DYDC1: variants seen among roughly 807,000 people sequenced by gnomAD.
DYDC1 encodes DPY30 domain-containing protein 1.
Under a neutral mutation model 27.9 loss-of-function variants are expected in DYDC1, and 21 were observed. The observed-to-expected ratio is 0.75, with a 90% CI of 0.53 to 1.08. The LOEUF (loss-of-function observed/expected upper bound fraction) is 1.08. DYDC1 is among the 50% of genes least tolerant of loss of function. DYDC1 has a pLI of 0.00. For synonymous variants in DYDC1, 67 were observed against 65.8 expected, an observed-to-expected ratio of 1.02 and a Z score of -0.09; for missense variants, 202 against 205.9, an observed-to-expected ratio of 0.98 and a Z score of 0.12.
intron 3 of DYDC1, among the ~76,000 whole-genome samples, chr10:80,349,027 G>C (rs1349723631): frequency 6.6e-6 from 1 of 152,112 alleles, no homozygotes; most frequent in Non-Finnish European, 1.5e-5. Context: ...GAGTAGCTGG[G>C]ACTACAGGAG....
rs76324602 is a variant in DYDC1 at position 80,345,083 on chromosome 10, G to C, written c.250-2722C>G. ...AAAATAGTGTTTAAAGCCGGGAAGTGTTCATCATATTACTCAACAGCAGCT... is the reference window on the plus strand; with the variant it reads ...AAAATAGTGTTTAAAGCCGGGAAGTCTTCATCATATTACTCAACAGCAGCT... On this transcript the variant is annotated intron_variant, in intron 3 of 6. Transcript: ENST00000372202. Among the ~76,000 whole-genome samples the C allele has an allele frequency of 2.8e-3, 425 of 152,276 alleles. 9 individuals are homozygous for C. The highest frequency in any genetic ancestry group is 0.011 in the East Asian group (59 of 5,184).
At chr10:80,344,477 A>C (rs889432952) in intron 3 of DYDC1, among the ~76,000 whole-genome samples, 1 of 152,194 alleles carries the variant, frequency 6.6e-6, no homozygotes, top group Non-Finnish European at 1.5e-5. Context: ...GTTGTTGTTT[A>C]TGGAAAGGGT....
intron 1 of DYDC1, chr10:80,356,425 A>G: frequency 9.1e-6 from 9 of 985,242 alleles, no homozygotes; most frequent in Non-Finnish European, 1.1e-5. Context: ...TGCCAGATAC[A>G]GTATTGTATC....
chr10:80,353,842 T>A (rs1016133869), intron 1 of DYDC1, among the ~76,000 whole-genome samples: 1 of 152,108 alleles, frequency 6.6e-6, no homozygotes, highest in African/African-American at 2.4e-5. Context: ...AATGATAATA[T>A]CTCTTTTCTG....
At chr10:80,354,126 A>T (rs1843187967) in intron 1 of DYDC1, among the ~76,000 whole-genome samples, 1 of 147,134 alleles carries the variant, frequency 6.8e-6, no homozygotes, top group Non-Finnish European at 1.5e-5. Context: ...ATATATAAAA[A>T]AAAATATATA....
chr10:80,347,556 T>C (rs1156856989), intron 3 of DYDC1, among the ~76,000 whole-genome samples: 1 of 152,186 alleles, frequency 6.6e-6, no homozygotes, highest in African/African-American at 2.4e-5. Flanking sequence ...TTCTACATTA[T>C]GTTTTCTTCC....
chr10:80,343,195 A>G (rs1231866487), intron 3 of DYDC1, among the ~76,000 whole-genome samples: 2 of 152,224 alleles, frequency 1.3e-5, no homozygotes, highest in Non-Finnish European at 2.9e-5. Context: ...TTTAAAAGAA[A>G]TAATATTTCA....
intron 1 of DYDC1, among the ~76,000 whole-genome samples, chr10:80,355,391 G>A (rs1312062475): frequency 6.6e-6 from 1 of 151,980 alleles, no homozygotes; most frequent in African/African-American, 2.4e-5. Context: ...TGGTGGGAGG[G>A]CAAAATGGTA....
intron 6 of DYDC1, among the ~76,000 whole-genome samples, chr10:80,337,665 C>G (rs918030077): frequency 3.3e-5 from 5 of 152,206 alleles, no homozygotes; most frequent in African/African-American, 1.2e-4. Context: ...ACTCCCTCTA[C>G]ACGCTCTCCT....
chr10:80,336,213 C>T lies in DYDC1; in HGVS notation c.505-28G>A, dbSNP rs748051138. 8.3e-6 allele frequency: 13 copies of T among 1,560,796 alleles called. No individual in the cohort carries two copies. The East Asian group carries it at 1.4e-4, about 17-fold the overall frequency. ...AAAAGCAAAACAAAAAGTAAATATT[C>T]CTTAATACAATTAGAACTGTGAAAA... On this transcript the variant is annotated intron_variant, in intron 6 of 6. Coordinates refer to ENST00000372202, the MANE Select transcript of DYDC1 (RefSeq NM_001269053.2).
At chr10:80,352,890 C>A (rs1319603591) in intron 1 of DYDC1, among the ~76,000 whole-genome samples, 1 of 152,168 alleles carries the variant, frequency 6.6e-6, no homozygotes, top group Admixed American at 6.5e-5. Flanking sequence ...TCCAAGTTTA[C>A]TTGATGCCAA....
chr10:80,344,944 C>G (rs1318643788), intron 3 of DYDC1: 1 of 153,942 alleles, frequency 6.5e-6, no homozygotes, highest in African/African-American at 2.4e-5. Flanking sequence ...TGTAGAAACA[C>G]TGATTCAATA....
intron 6 of DYDC1, chr10:80,338,021 C>T: frequency 5.3e-6 from 5 of 943,814 alleles, no homozygotes; most frequent in Non-Finnish European, 6.3e-6. Context: ...GCCTTATTCA[C>T]CACAGCATCA....
At chr10:80,349,417 A>G (rs572821072) in intron 3 of DYDC1, among the ~76,000 whole-genome samples, 75 of 152,308 alleles carry the variant, frequency 4.9e-4, no homozygotes, top group African/African-American at 1.7e-3. Flanking sequence ...ATGCCTTCAT[A>G]ATATCATCAA....
chr10:80,352,534 C>T lies in DYDC1; in HGVS notation c.68G>A (p.Arg23Lys). The T allele has an allele frequency of 6.2e-7, 1 of 1,613,666 alleles. No individual in the cohort carries two copies. Among genetic ancestry groups the T allele is most frequent in the Non-Finnish European group, 8.5e-7 (1 of 1,179,866 alleles). ...CLTQGLAEVARVRPVDPIEYL... is the reference protein window; with the variant it reads ...CLTQGLAEVAKVRPVDPIEYL... ...TTCTATCGGATCCACTGGGCGAACT[C>T]TTGCCACTTCTGCAAGACCTTGAGT... Residue 23 changes from arginine (R) to lysine (K), a missense_variant, in exon 2 of 7, where the codon AGA (arginine) becomes AAA (lysine). Transcript: ENST00000372202.
intron 3 of DYDC1, 102 bp downstream of exon 3, chr10:80,351,799 C>T (rs910863231): frequency 1.9e-6 from 2 of 1,026,264 alleles, no homozygotes; most frequent in African/African-American, 3.2e-5. Flanking sequence ...GAAGCCATAT[C>T]TAAATAACTG....
At chr10:80,355,103 AAAAACAGT>A (rs1349494029) in intron 1 of DYDC1, among the ~76,000 whole-genome samples, 1 of 151,786 alleles carries the variant, frequency 6.6e-6, no homozygotes. Flanking sequence ...ACTGAAAAAA[AAAAACAGT>A]AAAATTAACA....
intron 3 of DYDC1, among the ~76,000 whole-genome samples, chr10:80,346,747 A>C: frequency 6.6e-6 from 1 of 151,738 alleles, no homozygotes. Flanking sequence ...GGTGTGAGCC[A>C]CTGCCCCCGG....
chr10:80,352,253 C>T lies in DYDC1; in HGVS notation c.147+202G>A, dbSNP rs956224870. Among the ~76,000 whole-genome samples, 4 of 152,114 alleles carry T rather than the reference C, an allele frequency of 2.6e-5. No homozygotes were observed. In the East Asian group the frequency reaches 7.7e-4, roughly 29 times the overall value. On this transcript the variant is annotated intron_variant, in intron 2 of 6. Coordinates refer to ENST00000372202, the MANE Select transcript of DYDC1 (RefSeq NM_001269053.2). ...ATAAATCTATAGAAAAAAGACTTCC[C>T]ATGAAAGGAATTACCTAAAAATCTA...
Sources: allele counts gnomAD v4.1 joint callset (sites outside exome capture counted in the v4.1 genomes callset), GRCh38; gene constraint gnomAD v4.1.1; transcripts MANE v1.5; gene names NCBI Gene and HGNC (gene_info 2026-07-23, HGNC 2026-07-21).